The following SGF29 variants were observed in gnomAD, a reference collection of about 807,000 sequenced individuals.
SGF29 encodes SAGA complex associated factor 29.
A neutral mutation model predicts 38.1 loss-of-function variants in SGF29; 15 were observed. The ratio of observed to expected loss-of-function variants is 0.39; its 90% CI spans 0.26 to 0.61. The LOEUF is 0.61. Ranked by LOEUF, SGF29 falls within the 20% of genes least tolerant of loss-of-function variation. The probability of loss-of-function intolerance (pLI) is 0.49; values close to 1 mark genes in which losing one functional copy is unlikely to be tolerated. For missense variants in SGF29, 184 were observed against 394.6 expected (o/e 0.47, Z 4.52); for synonymous variants, 151 against 160.8 (o/e 0.94, Z 0.46).
At chr16:28,576,380 A>G (rs1057110419) in intron 1 of SGF29, among the ~76,000 whole-genome samples, 2 of 152,034 alleles carry the variant, frequency 1.3e-5, no homozygotes, top group African/African-American at 4.8e-5. Flanking sequence ...AAACCTTCAC[A>G]TGTATCCCCA....
chr16:28,575,609 C>T (rs938631876), intron 1 of SGF29, among the ~76,000 whole-genome samples: 4 of 152,258 alleles, frequency 2.6e-5, no homozygotes, highest in South Asian at 2.1e-4. Context: ...TGCTTGAAGC[C>T]GGGAGGCAGA....
At chr16:28,565,083 G>C (rs2046828275) in intron 1 of SGF29, among the ~76,000 whole-genome samples, 1 of 152,040 alleles carries the variant, frequency 6.6e-6, no homozygotes, top group South Asian at 2.1e-4. Flanking sequence ...AGGAGGCCAA[G>C]TGTCCGGCGT....
At chr16:28,585,868 TG>T in intron 4 of SGF29, 148 bp downstream of exon 4, 1 of 734,272 alleles carries the variant, frequency 1.4e-6, no homozygotes, top group Non-Finnish European at 2.4e-6. Flanking sequence ...CCGCATTCCC[TG>T]GCCCACTGCC....
intron 1 of SGF29, among the ~76,000 whole-genome samples, chr16:28,580,563 G>A (rs560629519): frequency 6.6e-6 from 1 of 152,128 alleles, no homozygotes; most frequent in African/African-American, 2.4e-5. Flanking sequence ...TGGATTAAGG[G>A]CACACCCTAT....
At chr16:28,584,069 C>T (rs916758240) in intron 2 of SGF29, among the ~76,000 whole-genome samples, 5 of 150,820 alleles carry the variant, frequency 3.3e-5, no homozygotes, top group African/African-American at 1.2e-4. Flanking sequence ...GTCACCCAGG[C>T]TGGAGTGCAG....
At chr16:28,579,720 C>T (rs2046914872) in intron 1 of SGF29, among the ~76,000 whole-genome samples, 1 of 151,838 alleles carries the variant, frequency 6.6e-6, no homozygotes, top group Admixed American at 6.6e-5. Context: ...CACCTGAGGT[C>T]AGGAGTTTGA....
chr16:28,574,180 A>G (rs2151647897), intron 1 of SGF29, among the ~76,000 whole-genome samples: 1 of 152,184 alleles, frequency 6.6e-6, no homozygotes, highest in East Asian at 1.9e-4. Flanking sequence ...TTGGAACAGG[A>G]AAGAAAGGAG....
At chr16:28,588,473 G>A (rs2046967765) in intron 4 of SGF29, 3 of 336,566 alleles carry the variant, frequency 8.9e-6, no homozygotes, top group South Asian at 6.7e-5. Context: ...TCCTCTCTGG[G>A]ATCCTGTGTT....
chr16:28,579,641 C>A (rs2046914144), intron 1 of SGF29, among the ~76,000 whole-genome samples: 1 of 151,616 alleles, frequency 6.6e-6, no homozygotes, highest in African/African-American at 2.4e-5. Flanking sequence ...AGTTTCTCTC[C>A]CCATGCTGGC....
At chr16:28,589,394 G>A in intron 5 of SGF29, 1 of 524,372 alleles carries the variant, frequency 1.9e-6, no homozygotes. Context: ...TCCCGCCCTG[G>A]CCCCTCATCT....
intron 1 of SGF29, among the ~76,000 whole-genome samples, chr16:28,575,662 G>A (rs2151648443): frequency 6.6e-6 from 1 of 152,328 alleles, no homozygotes; most frequent in African/African-American, 2.4e-5. Flanking sequence ...TCCAGCTTGG[G>A]TGGCAGAGTG....
chr16:28,570,820 C>T (rs557833947), intron 1 of SGF29, among the ~76,000 whole-genome samples: 1 of 151,954 alleles, frequency 6.6e-6, no homozygotes, highest in Non-Finnish European at 1.5e-5. Flanking sequence ...TCAAGTGATT[C>T]GCCCACCTTG....
At chr16:28,568,950 T>G (rs1596599944) in intron 1 of SGF29, among the ~76,000 whole-genome samples, 1 of 148,954 alleles carries the variant, frequency 6.7e-6, no homozygotes, top group African/African-American at 2.5e-5. Flanking sequence ...TAGACGGGCG[T>G]GGTGGCGTGT....
intron 2 of SGF29, among the ~76,000 whole-genome samples, chr16:28,584,118 G>A (rs553084876): frequency 2.0e-5 from 3 of 151,522 alleles, no homozygotes; most frequent in African/African-American, 7.3e-5. Flanking sequence ...AGCCTCCCGA[G>A]TAGCTAGGAC....
intron 1 of SGF29, among the ~76,000 whole-genome samples, chr16:28,557,885 C>T (rs1386160634): frequency 1.3e-5 from 2 of 151,548 alleles, no homozygotes; most frequent in African/African-American, 2.4e-5. Context: ...GCTGAAGAGT[C>T]CTGGAGTAAA....
intron 1 of SGF29, among the ~76,000 whole-genome samples, chr16:28,555,489 A>G (rs2046744684): frequency 6.6e-6 from 1 of 152,156 alleles, no homozygotes; most frequent in Non-Finnish European, 1.5e-5. Context: ...AAAGAGTTCT[A>G]GAGGTGGAAG....
chr16:28,571,811 A>T (rs1197273188), intron 1 of SGF29, among the ~76,000 whole-genome samples: 1 of 152,012 alleles, frequency 6.6e-6, no homozygotes, highest in Non-Finnish European at 1.5e-5. Flanking sequence ...CTGGGGTGTG[A>T]AGTAGTGAAA....
rs539264609 is a variant in SGF29 at position 28,590,016 on chromosome 16, T to C, written c.290-80T>C. ...GAACTGGGGGCTCCCAGGTGCTCCT[T>C]CAACAGCTCAGTGCAGCATGCTCGG... On this transcript the variant is annotated intron_variant, in intron 5 of 9. Coordinates refer to ENST00000317058, the MANE Select transcript of SGF29 (RefSeq NM_138414.3). The surrounding 1 kb of genome is among the most constrained non-coding windows in gnomAD (Gnocchi z 8.2). 5.3e-6 allele frequency: 8 copies of C among 1,509,138 alleles called. No individual in the cohort carries two copies. The African/African-American group carries it at 1.1e-4, about 21-fold the overall frequency. The allele number at this position is 1,509,138 out of a possible 1,614,324, so 93.5% of individuals were successfully genotyped here. A position where few individuals can be genotyped will look rare whatever the true frequency, so the allele number is the denominator to read the frequency against.
intron 2 of SGF29, among the ~76,000 whole-genome samples, chr16:28,583,462 A>G (rs933568373): frequency 5.3e-5 from 8 of 152,216 alleles, no homozygotes; most frequent in Non-Finnish European, 7.3e-5. Flanking sequence ...CTTGAGCACT[A>G]GGCAGCTAGC....
Sources: gnomAD v4.1 joint callset for allele counts (sites outside exome capture counted in the v4.1 genomes callset) on GRCh38, gnomAD v4.1.1 for gene constraint, Gnocchi (gnomAD v3.1) non-coding constraint, MANE v1.5 for transcripts, NCBI Gene and HGNC (gene_info 2026-07-23, HGNC 2026-07-21) for gene names.